Variants in TTLL9 observed in about 807,000 individuals in gnomAD.
TTLL9 encodes probable tubulin polyglutamylase TTLL9.
Under a neutral mutation model 65.6 loss-of-function variants are expected in TTLL9, and 47 were observed. That is an observed-to-expected ratio of 0.72 (90% CI 0.57 to 0.91). The LOEUF is 0.91. Among genes scored for constraint, TTLL9 ranks in the 40% least tolerant of loss-of-function variants. The probability of loss-of-function intolerance (pLI) is 0.00; values close to 1 mark genes in which losing one functional copy is unlikely to be tolerated. For synonymous variants in TTLL9, 179 were observed against 204.8 expected (o/e 0.87, Z 1.07); for missense variants, 537 against 568.8 (o/e 0.94, Z 0.57).
Position 31,944,339 on chromosome 20 carries a change from A to G in TTLL9, c.*1318A>G, listed in dbSNP as rs2064278445. 2 of 156,596 alleles carry G rather than the reference A, an allele frequency of 1.3e-5. No homozygotes were observed. The highest frequency in any genetic ancestry group is 2.8e-5 in the Non-Finnish European group (2 of 70,350). The allele number at this position is 156,596 out of a possible 1,614,324, so 9.7% of individuals were successfully genotyped here. On this transcript the variant is annotated 3_prime_UTR_variant, in exon 15 of 15. Transcript: ENST00000535842. ...CAGTCACACTGGACAACATCTAGCA[A>G]GGTGAATTCTGCAACTCCCTACTTT...
At chr20:31,908,927 G>C (rs2063601631) in intron 5 of TTLL9, among the ~76,000 whole-genome samples, 1 of 152,092 alleles carries the variant, frequency 6.6e-6, no homozygotes, top group Non-Finnish European at 1.5e-5. Flanking sequence ...TCAGCACCAA[G>C]ATTTGAGGAG....
At chr20:31,876,101 T>A (rs2063034267) in intron 2 of TTLL9, among the ~76,000 whole-genome samples, 1 of 152,256 alleles carries the variant, frequency 6.6e-6, no homozygotes, top group African/African-American at 2.4e-5. Context: ...TGGGGATATG[T>A]ACATACTGAT....
intron 5 of TTLL9, 78 bp downstream of exon 5, chr20:31,908,780 G>A (rs1187425820): frequency 8.5e-7 from 1 of 1,179,688 alleles, no homozygotes. Flanking sequence ...GCTGGTACAA[G>A]GATCAGAAAA....
chr20:31,913,852 A>C (rs928413075), intron 6 of TTLL9, among the ~76,000 whole-genome samples: 25 of 152,348 alleles, frequency 1.6e-4, no homozygotes, highest in Non-Finnish European at 2.4e-4. Flanking sequence ...TCAGGCCGTC[A>C]GGGTTGGTGG....
Position 31,933,859 on chromosome 20 carries a change from G to A in TTLL9, c.807+1G>A, listed in dbSNP as rs368328502. ...ATCTCCCGACTACCACCCAAAGAAGGTGAGGAAGCCGGGCTCGGCTATGCA... is the reference window on the plus strand; with the variant it reads ...ATCTCCCGACTACCACCCAAAGAAGATGAGGAAGCCGGGCTCGGCTATGCA... On this transcript the variant is annotated splice_donor_variant, in intron 11 of 14. Transcript: ENST00000535842. LOFTEE classifies it high-confidence loss of function. 1.3e-5 allele frequency: 21 copies of A among 1,613,890 alleles called. No individual in the cohort carries two copies. Among genetic ancestry groups the A allele is most frequent in the Non-Finnish European group, 1.5e-5 (18 of 1,179,928 alleles).
intron 6 of TTLL9, among the ~76,000 whole-genome samples, chr20:31,914,639 A>T (rs1453650919): frequency 6.6e-6 from 1 of 152,190 alleles, no homozygotes; most frequent in Admixed American, 6.5e-5. Flanking sequence ...GCTGGGAGAG[A>T]ATCAGGCCTC....
intron 7 of TTLL9, 49 bp downstream of exon 7, chr20:31,919,981 C>T (rs749294995): frequency 2.1e-6 from 3 of 1,461,630 alleles, no homozygotes; most frequent in Non-Finnish European, 2.7e-6. Flanking sequence ...TCTGACCTTG[C>T]CAGCAGGAGG....
chr20:31,911,845 TG>T (rs2063656187), intron 6 of TTLL9, among the ~76,000 whole-genome samples: 169 of 128,484 alleles, frequency 1.3e-3, no homozygotes, highest in African/African-American at 4.3e-3. Context: ...TGTGTGTGTG[TG>T]TGTGTGTGTG....
chr20:31,888,859 T>G (rs1356972691), intron 3 of TTLL9, among the ~76,000 whole-genome samples: 1 of 151,968 alleles, frequency 6.6e-6, no homozygotes, highest in Non-Finnish European at 1.5e-5. Context: ...GTGAACTAAG[T>G]GAAAACTCAC....
chr20:31,902,200 A>G (rs1055525306), intron 4 of TTLL9, among the ~76,000 whole-genome samples: 4 of 152,110 alleles, frequency 2.6e-5, no homozygotes, highest in Non-Finnish European at 5.9e-5. Flanking sequence ...CATACCCACT[A>G]GCAGTCATTC....
At chr20:31,910,043 C>T in intron 6 of TTLL9, 121 bp downstream of exon 6, 1 of 940,762 alleles carries the variant, frequency 1.1e-6, no homozygotes, top group Admixed American at 2.4e-5. Flanking sequence ...CCCGAAGGGC[C>T]AGCTTTAGCT....
chr20:31,880,852 C>CTTTTTTT (rs35047352), intron 2 of TTLL9, among the ~76,000 whole-genome samples: 4 of 108,256 alleles, frequency 3.7e-5, no homozygotes, highest in African/African-American at 1.5e-4. Context: ...TCTTTCTTTC[C>CTTTTTTT]TTTTTTTTTT....
Position 31,898,468 on chromosome 20 carries a change from TGCAGAGA to T in TTLL9, c.120_126del (p.Gln40HisfsTer10). 6.2e-7 allele frequency: 1 copy of T among 1,613,988 alleles called. No homozygotes were observed. The highest frequency in any genetic ancestry group is 2.2e-5 in the East Asian group (1 of 44,876). On this transcript the variant is annotated splice_acceptor_variant and splice_polypyrimidine_tract_variant and coding_sequence_variant and intron_variant, in exon 4 of 15. Coordinates refer to ENST00000535842, the MANE Select transcript of TTLL9 (RefSeq NM_001008409.5). LOFTEE classifies it high-confidence loss of function. ...TGAGCAAATGTTCATTGCCTTGTCT[TGCAGAGA>T]GCAGAGAGCATCGATCCGGTTCAAG...
At chr20:31,873,315 G>GACTT (rs1297851628) in intron 2 of TTLL9, among the ~76,000 whole-genome samples, 1 of 152,136 alleles carries the variant, frequency 6.6e-6, no homozygotes, top group African/African-American at 2.4e-5. Context: ...AAGATGTGCT[G>GACTT]ACTTAAGTTT....
At chr20:31,892,970 AT>A (rs890610406) in intron 3 of TTLL9, among the ~76,000 whole-genome samples, 15 of 150,916 alleles carry the variant, frequency 9.9e-5, no homozygotes, top group East Asian at 5.8e-4. Context: ...AGCTACTTGA[AT>A]TTTTTTTTTA....
chr20:31,932,402 G>A (rs2064031880), intron 10 of TTLL9, among the ~76,000 whole-genome samples: 1 of 146,684 alleles, frequency 6.8e-6, no homozygotes, highest in Non-Finnish European at 1.5e-5. Context: ...AACCCAGGAG[G>A]CGGAGGTTGC....
intron 2 of TTLL9, among the ~76,000 whole-genome samples, 163 bp from the exon 3 acceptor site, chr20:31,887,033 A>ATG (rs1274389682): frequency 1.3e-5 from 2 of 152,184 alleles, no homozygotes; most frequent in Non-Finnish European, 2.9e-5. Flanking sequence ...TGCTGGGGAC[A>ATG]TGGTGGCCAG....
At position 31,880,112 on chromosome 20, in the gene TTLL9, A is replaced by T. The variant is rs181802041; in HGVS notation, c.70-7084A>T. Among the ~76,000 whole-genome samples, 299 of 152,240 alleles carry T rather than the reference A, an allele frequency of 2.0e-3. 1 individual carries two copies. Among genetic ancestry groups the T allele is most frequent in the African/African-American group, 7.0e-3 (292 of 41,566 alleles). On this transcript the variant is annotated intron_variant, in intron 2 of 14. Transcript: ENST00000535842. ...GGAAAGACTACAAGTCCCGGCATGC[A>T]CCGCGCCGCCCAAGCTGCTGCGCAA...
intron 6 of TTLL9, among the ~76,000 whole-genome samples, chr20:31,913,674 C>T (rs1297073494): frequency 2.0e-5 from 3 of 152,238 alleles, no homozygotes; most frequent in African/African-American, 7.2e-5. Flanking sequence ...ATTCCGTCTA[C>T]ACCACCCTGT....
Sources: allele counts gnomAD v4.1 joint callset (sites outside exome capture counted in the v4.1 genomes callset), GRCh38; gene constraint gnomAD v4.1.1; transcripts MANE v1.5; gene names NCBI Gene and HGNC (gene_info 2026-07-23, HGNC 2026-07-21).